ZNF142: variants seen among roughly 807,000 people sequenced by gnomAD.
The protein encoded by ZNF142 is zinc finger protein 142 (clone pHZ-49).
Under a neutral mutation model 132.1 loss-of-function variants are expected in ZNF142, and 96 were observed. The observed-to-expected ratio is 0.73, with a 90% CI of 0.62 to 0.86. The LOEUF (loss-of-function observed/expected upper bound fraction) is 0.86. ZNF142 is among the 40% of genes least tolerant of loss of function. ZNF142 has a pLI of 0.00. For synonymous variants in ZNF142, 842 were observed against 890.1 expected, an observed-to-expected ratio of 0.95 and a Z score of 0.96; for missense variants, 2,163 against 2,336.2, an observed-to-expected ratio of 0.93 and a Z score of 1.53.
intron 6 of ZNF142, among the ~76,000 whole-genome samples, chr2:218,649,812 A>G (rs1437375968): frequency 1.3e-5 from 2 of 152,234 alleles, no homozygotes; most frequent in Non-Finnish European, 2.9e-5. Flanking sequence ...CGGCAAGATT[A>G]GTTAGAAGGA....
At chr2:218,649,961 C>T (rs1425522160) in intron 6 of ZNF142, among the ~76,000 whole-genome samples, 2 of 152,142 alleles carry the variant, frequency 1.3e-5, no homozygotes, top group African/African-American at 2.4e-5. Context: ...TGTGGGATGA[C>T]TTTCAAATAT....
Position 218,633,933 on chromosome 2 carries a change from G to C in ZNF142, c.*4406C>G, listed in dbSNP as rs1696547110. The C allele has an allele frequency of 8.3e-7, 1 of 1,202,130 alleles. No homozygotes were observed. The highest frequency in any genetic ancestry group is 1.5e-5 in the African/African-American group (1 of 65,488). 74.5% of individuals were successfully genotyped at this position (1,202,130 alleles called of 1,614,324 possible). On this transcript the variant is annotated 3_prime_UTR_variant, in exon 11 of 11. Transcript: ENST00000411696. ...AGGAGTTATGAATAGTGGCTCAAGG[G>C]TCTAGGGGCAGGAAAGCTGGTCTGG...
At position 218,652,262 on chromosome 2, in the gene ZNF142, G is replaced by A. The variant is rs765412744; in HGVS notation, c.319C>T (p.Arg107Cys). ...VKVVEVYFCERCEQSFAEPTL... is the reference protein window; with the variant it reads ...VKVVEVYFCECCEQSFAEPTL... ...GGCTCTGCGAAGCTCTGTTCACAGCGCTCACAGAAGTACACCTCCACCACC... is the reference window on the plus strand; with the variant it reads ...GGCTCTGCGAAGCTCTGTTCACAGCACTCACAGAAGTACACCTCCACCACC... Residue 107 changes from arginine (R) to cysteine (C), a missense_variant, in exon 5 of 11, where the codon CGC becomes TGC. This residue lies in a region of ZNF142 where 195 missense variants were observed against 172.4 expected (regional missense o/e 1.13). Transcript: ENST00000411696. The A allele has an allele frequency of 4.4e-6, 2 of 456,998 alleles. No individual in the cohort carries two copies. The highest frequency in any genetic ancestry group is 3.1e-5 in the South Asian group (2 of 64,574). The allele number at this position is 456,998 out of a possible 1,614,324, so 28.3% of individuals were successfully genotyped here. A position where few individuals can be genotyped will look rare whatever the true frequency, so the allele number is the denominator to read the frequency against.
rs1193436120 is a variant in ZNF142, at chr2:218,643,107, A to G, written c.4009T>C (p.Cys1337Arg). The G allele has an allele frequency of 1.2e-6, 2 of 1,612,276 alleles. No homozygotes were observed. Among genetic ancestry groups the G allele is most frequent in the Non-Finnish European group, 1.7e-6 (2 of 1,179,264 alleles). Reference sequence around the variant, plus strand: ...GGAGCAGTGAATGGGCAGAGGCTGCAGTGCAGCTCTCCAGACTCCTCGAGG... The same window carrying G: ...GGAGCAGTGAATGGGCAGAGGCTGCGGTGCAGCTCTCCAGACTCCTCGAGG... Reference protein sequence around the residue: ...CPLEESGELHCSLCPFTAPAA... With the variant: ...CPLEESGELHRSLCPFTAPAA... Residue 1337 changes from cysteine to arginine, a missense_variant, in exon 9 of 11, where the codon TGC becomes CGC. Physicochemically the swap from Cys to Arg is radical, Grantham distance 180. Around this residue, in one of 7 missense-constraint regions of ZNF142, gnomAD observed 809 missense variants for 801.7 expected, o/e 1.01. Coordinates refer to ENST00000411696, the MANE Select transcript of ZNF142 (RefSeq NM_001379659.1).
intron 4 of ZNF142, 152 bp downstream of exon 4, chr2:218,655,998 A>G (rs1938448004): frequency 1.9e-6 from 2 of 1,054,076 alleles, no homozygotes; most frequent in Admixed American, 3.6e-5. Flanking sequence ...TTCAATCAAC[A>G]TGCACCAACT....
In ZNF142 at chr2:218,634,472, C is replaced by A. The variant is rs753874393; in HGVS notation, c.*3867G>T. On this transcript the variant is annotated 3_prime_UTR_variant, in exon 11 of 11. Transcript: ENST00000411696. This position sits in a 1 kb window ranked among gnomAD's most constrained non-coding sequence, Gnocchi z 4.0. ...GGGGCCCTCAGTGGCCATGAATATG[C>A]AGACTGCAGGGCTTGAAATGGACAT... The A allele has an allele frequency of 6.2e-7, 1 of 1,612,574 alleles. No individual in the cohort carries two copies. The highest frequency in any genetic ancestry group is 1.1e-5 in the South Asian group (1 of 90,832).
At position 218,651,922 on chromosome 2, in the gene ZNF142, G is replaced by A. The variant is rs1938035673; in HGVS notation, c.659C>T (p.Ala220Val). The A allele has an allele frequency of 8.0e-7, 1 of 1,248,136 alleles. No individual in the cohort carries two copies. The highest frequency in any genetic ancestry group is 2.3e-5 in the Admixed American group (1 of 43,516). 77.3% of individuals were successfully genotyped at this position (1,248,136 alleles called of 1,614,324 possible). A position where few individuals can be genotyped will look rare whatever the true frequency, so the allele number is the denominator to read the frequency against. ...LQHHLRQTHR[A>V]VPVPCSFRGC... is the part of the protein sequence containing the mutation. ...CCGGAAAGAACAGGGCACAGGAACTGCTCTGTGAGTCTGCCTCAGGTGGTG... is the reference window on the plus strand; with the variant it reads ...CCGGAAAGAACAGGGCACAGGAACTACTCTGTGAGTCTGCCTCAGGTGGTG... Residue 220 changes from alanine to valine, a missense_variant, in exon 5 of 11, where the codon GCA becomes GTA. By Grantham distance (64) the Ala-to-Val change is moderately conservative (BLOSUM62 0). This residue lies in a region of ZNF142 where 195 missense variants were observed against 172.4 expected (regional missense o/e 1.13). Coordinates refer to ENST00000411696, the MANE Select transcript of ZNF142 (RefSeq NM_001379659.1).
intron 4 of ZNF142, 113 bp from the exon 5 acceptor site, chr2:218,652,413 A>C: frequency 2.4e-6 from 1 of 413,148 alleles, no homozygotes; most frequent in South Asian, 1.8e-5. Flanking sequence ...TAGAGTACAG[A>C]TGGACTTTAA....
chr2:218,647,434 A>AAAAAAAAAAAAAAAAAC (rs1559297369), intron 7 of ZNF142, among the ~76,000 whole-genome samples: 1 of 147,258 alleles, frequency 6.8e-6, no homozygotes, highest in Non-Finnish European at 1.5e-5. Flanking sequence ...AAAAAAAAAA[A>AAAAAAAAAAAAAAAAAC]AGCCTCCTCC....
At chr2:218,647,375 A>G (rs1343392490) in intron 7 of ZNF142, among the ~76,000 whole-genome samples, 2 of 130,414 alleles carry the variant, frequency 1.5e-5, no homozygotes, top group Admixed American at 9.6e-5. Context: ...GTGAGCCGAG[A>G]TTGGGCCACT....
Position 218,659,325 on chromosome 2 carries a change from A to G in ZNF142, c.-362+44T>C, listed in dbSNP as rs992100094. The G allele has an allele frequency of 6.6e-6, 1 of 152,348 alleles. No individual in the cohort carries two copies. Among genetic ancestry groups the G allele is most frequent in the Non-Finnish European group, 1.5e-5 (1 of 68,590 alleles). 9.4% of individuals were successfully genotyped at this position (152,348 alleles called of 1,614,324 possible). On this transcript the variant is annotated intron_variant, in intron 1 of 10. Coordinates refer to ENST00000411696, the MANE Select transcript of ZNF142 (RefSeq NM_001379659.1). The surrounding 1 kb of genome is among the most constrained non-coding windows in gnomAD (Gnocchi z 4.4). The stretch of plus-strand genomic sequence containing the variant: ...AAAAACTTTGCCTCCAGCTCGCTCC[A>G]CCCGCATTCCCTTCCCAGTTCCGCC...
chr2:218,633,919 A>G lies in ZNF142; in HGVS notation c.*4420T>C. 8.3e-7 allele frequency: 1 copy of G among 1,200,092 alleles called. No individual in the cohort carries two copies. Among genetic ancestry groups the G allele is most frequent in the Non-Finnish European group, 1.2e-6 (1 of 850,580 alleles). 74.3% of individuals were successfully genotyped at this position (1,200,092 alleles called of 1,614,324 possible). A position where few individuals can be genotyped will look rare whatever the true frequency, so the allele number is the denominator to read the frequency against. On this transcript the variant is annotated 3_prime_UTR_variant, in exon 11 of 11. Coordinates refer to ENST00000411696, the MANE Select transcript of ZNF142 (RefSeq NM_001379659.1). ...GCAGACAAGGGCAGAGGAGTTATGAATAGTGGCTCAAGGGTCTAGGGGCAG... is the reference window on the plus strand; with the variant it reads ...GCAGACAAGGGCAGAGGAGTTATGAGTAGTGGCTCAAGGGTCTAGGGGCAG...
Position 218,642,221 on chromosome 2 carries a change from G to T in ZNF142, c.4895C>A (p.Thr1632Lys). The T allele has an allele frequency of 6.2e-7, 1 of 1,614,212 alleles. No homozygotes were observed. The highest frequency in any genetic ancestry group is 8.5e-7 in the Non-Finnish European group (1 of 1,180,048). ...PPLHCPFCDF[T>K]CRHQLVLDHH... ...ATCTAGTACCAGCTGATGGCGGCAT[G>T]TGAAGTCACAAAAGGGGCAGTGTAG... Residue 1632 changes from threonine (T) to lysine (K), a missense_variant, in exon 9 of 11, where the codon ACA becomes AAA. Coordinates refer to ENST00000411696, the MANE Select transcript of ZNF142 (RefSeq NM_001379659.1). This position sits in a 1 kb window ranked among gnomAD's most constrained non-coding sequence, Gnocchi z 4.6.
At chr2:218,641,809 T>C (rs959270094) in intron 9 of ZNF142, among the ~76,000 whole-genome samples, 1 of 152,186 alleles carries the variant, frequency 6.6e-6, no homozygotes, top group African/African-American at 2.4e-5. Flanking sequence ...AGTGTTAAGA[T>C]TACAGGCGTG....
At chr2:218,639,560 G>C (rs1309585822) in intron 10 of ZNF142, among the ~76,000 whole-genome samples, 1 of 152,048 alleles carries the variant, frequency 6.6e-6, no homozygotes, top group Non-Finnish European at 1.5e-5. Flanking sequence ...GGGCAACAAA[G>C]TGAGACCCTG....
intron 5 of ZNF142, among the ~76,000 whole-genome samples, chr2:218,650,988 T>C (rs1937931875): frequency 7.8e-5 from 2 of 25,488 alleles, no homozygotes. Flanking sequence ...TCTTTACTTC[T>C]TTTTTTTTTT....
chr2:218,642,054 C>T lies in ZNF142; in HGVS notation c.5062G>A (p.Ala1688Thr), dbSNP rs756013402. The T allele has an allele frequency of 1.9e-6, 3 of 1,614,116 alleles. No homozygotes were observed. The highest frequency in any genetic ancestry group is 1.3e-5 in the African/African-American group (1 of 75,054). ...TTGAGACGAGAGGGATCAGCACAGG[C>T]ATAGGGGCAGAGGTGACAGTGGTAA... is the stretch of plus-strand genomic sequence containing the variant. The part of the protein sequence containing the change: ...KPYHCHLCPY[A>T]CADPSRLKYH... Residue 1688 changes from alanine (A) to threonine (T), a missense_variant, in exon 9 of 11, where the codon GCC becomes ACC. Transcript: ENST00000411696. This position sits in a 1 kb window ranked among gnomAD's most constrained non-coding sequence, Gnocchi z 4.6.
rs930763103 is a variant in ZNF142, at chr2:218,649,188, G to A, written c.1320C>T (p.Ser440=). The A allele has an allele frequency of 2.3e-5, 37 of 1,614,138 alleles. No individual in the cohort carries two copies. The highest frequency in any genetic ancestry group is 3.0e-5 in the Non-Finnish European group (35 of 1,180,058). ...AGAAGTTGGAAATATCTTCATGCAT[G>A]CTGGCCATGTGGCGGTTGAGTGCAT... The part of the protein sequence containing the change: ...ERNALNRHMA[S]MHEDISNFYS... The change falls in exon 7 of 11, where the codon AGC becomes AGT. Residue 440 remains serine (S), a synonymous_variant. Coordinates refer to ENST00000411696, the MANE Select transcript of ZNF142 (RefSeq NM_001379659.1).
At chr2:218,641,180 C>A (rs1697154121) in intron 9 of ZNF142, among the ~76,000 whole-genome samples, 1 of 152,044 alleles carries the variant, frequency 6.6e-6, no homozygotes, top group Admixed American at 6.6e-5. Context: ...ATCAAGCAAT[C>A]CTCTGGCCTT....
Sources: allele counts gnomAD v4.1 joint callset (sites outside exome capture counted in the v4.1 genomes callset), GRCh38; gene constraint gnomAD v4.1.1; regional missense constraint gnomAD v4.1.1; non-coding constraint Gnocchi (gnomAD v3.1); transcripts MANE v1.5; gene names NCBI Gene and HGNC (gene_info 2026-07-23, HGNC 2026-07-21).